USP46: variants seen among roughly 807,000 people sequenced by gnomAD.
USP46 encodes the protein ubiquitin carboxyl-terminal hydrolase 46.
USP46 carries 12 observed loss-of-function variants against 44.4 expected under a neutral mutation model. The observed-to-expected ratio is 0.27, with a 90% CI of 0.17 to 0.44. The LOEUF (loss-of-function observed/expected upper bound fraction) is 0.44. Ranked by LOEUF, USP46 falls within the 20% of genes least tolerant of loss-of-function variation. USP46 has a pLI of 1.00. For synonymous variants in USP46, 155 were observed against 161.5 expected (o/e 0.96, Z 0.31); for missense variants, 248 against 444.8 (o/e 0.56, Z 3.98).
rs1488159056 is a variant in USP46, at chr4:52,652,654, G to T, written c.36+6461C>A. Among the ~76,000 whole-genome samples, 3 of 152,070 alleles carry T rather than the reference G, an allele frequency of 2.0e-5. No homozygotes were observed. The East Asian group carries it at 5.8e-4, about 29-fold the overall frequency. ...TGAGAGGAATGTTTAATATTATAAA[G>T]CATGTTTAAAACATGAAAAAATACA... On this transcript the variant is annotated intron_variant, in intron 1 of 8. Coordinates refer to ENST00000441222, the MANE Select transcript of USP46 (RefSeq NM_022832.4).
chr4:52,618,129 A>C lies in USP46; in HGVS notation c.562-7512T>G, dbSNP rs75605419. ...GGCACAGTAGTGGCTCACGCCTATA[A>C]TCCCAGTGCTTTGGATGGCTAAGGT... On this transcript the variant is annotated intron_variant, in intron 4 of 8. Coordinates refer to ENST00000441222, the MANE Select transcript of USP46 (RefSeq NM_022832.4). Among the ~76,000 whole-genome samples, 1,387 of 152,276 alleles carry C rather than the reference A, an allele frequency of 9.1e-3. 16 individuals carry two copies. Among genetic ancestry groups the C allele is most frequent in the African/African-American group, 0.032 (1,318 of 41,568 alleles).
In USP46 at chr4:52,610,550, T is replaced by C; in HGVS notation, c.629A>G (p.His210Arg). ...CTCAGAGTTCATATACCTTAGACAG[T>C]GGGTAATGGATGTATTCTGCTCCAC... ...VDVEQNTSITHCLRDFSNTET... is the reference protein window; with the variant it reads ...VDVEQNTSITRCLRDFSNTET... Residue 210 changes from histidine (H) to arginine (R), a missense_variant, in exon 5 of 9, where the codon CAC becomes CGC. Transcript: ENST00000441222. 1.2e-6 allele frequency: 2 copies of C among 1,613,906 alleles called. No individual in the cohort carries two copies. The highest frequency in any genetic ancestry group is 1.3e-5 in the African/African-American group (1 of 75,052).
At chr4:52,639,368 G>C (rs184124070) in intron 1 of USP46, among the ~76,000 whole-genome samples, 1 of 152,322 alleles carries the variant, frequency 6.6e-6, no homozygotes, top group Non-Finnish European at 1.5e-5. Flanking sequence ...GCGTGGGCCT[G>C]ATACAGCTGC....
At chr4:52,656,352 C>T (rs1264082742) in intron 1 of USP46, 21 of 1,524,772 alleles carry the variant, frequency 1.4e-5, no homozygotes, top group Non-Finnish European at 1.7e-5. Context: ...TTAATATTTA[C>T]GTCTGATCCA....
intron 4 of USP46, among the ~76,000 whole-genome samples, chr4:52,625,335 A>G (rs1477875394): frequency 6.6e-6 from 1 of 152,050 alleles, no homozygotes; most frequent in Non-Finnish European, 1.5e-5. Context: ...AACAAGCAGA[A>G]AAGCCAGCAT....
chr4:52,592,804 A>AT lies in USP46; in HGVS notation c.*4835_*4836insA. ...CAGTGAGCTGAGATCTCATCACTGC[A>AT]CTCCAGCCTGGGTGACAGTGAGACT... On this transcript the variant is annotated 3_prime_UTR_variant, in exon 9 of 9. Coordinates refer to ENST00000441222, the MANE Select transcript of USP46 (RefSeq NM_022832.4). 2.5e-6 allele frequency: 1 copy of AT among 397,838 alleles called. No homozygotes were observed. The highest frequency in any genetic ancestry group is 4.4e-6 in the Non-Finnish European group (1 of 226,006). 24.6% of individuals were successfully genotyped at this position (397,838 alleles called of 1,614,324 possible). A position where few individuals can be genotyped will look rare whatever the true frequency, so the allele number is the denominator to read the frequency against.
Position 52,659,196 on chromosome 4 carries a change from GA to G in USP46, c.-47del. 1 of 1,510,764 alleles carries G rather than the reference GA, an allele frequency of 6.6e-7. No individual in the cohort carries two copies. Among genetic ancestry groups the G allele is most frequent in the East Asian group, 2.8e-5 (1 of 36,126 alleles). 93.6% of individuals were successfully genotyped at this position (1,510,764 alleles called of 1,614,324 possible). On this transcript the variant is annotated 5_prime_UTR_variant, in exon 1 of 9. The change abolishes the stop of an existing upstream ORF in the 5' untranslated region. Transcript: ENST00000441222. This position sits in a 1 kb window ranked among gnomAD's most constrained non-coding sequence, Gnocchi z 4.2. ...TCCCTCACCGCCATCTTTACAAGGG[GA>G]AACCGGGACTGCCCATGGTGGCGCG...
At chr4:52,608,364 C>T (rs988424078) in intron 5 of USP46, among the ~76,000 whole-genome samples, 2 of 152,148 alleles carry the variant, frequency 1.3e-5, no homozygotes, top group African/African-American at 2.4e-5. Context: ...CAATGCTTCC[C>T]GATAATTTCC....
intron 3 of USP46, among the ~76,000 whole-genome samples, chr4:52,626,608 C>A (rs1348096888): frequency 2.0e-5 from 3 of 152,116 alleles, no homozygotes; most frequent in African/African-American, 7.2e-5. Context: ...CAGACGTGAG[C>A]CACCGCGCCT....
At chr4:52,631,265 G>A (rs1445806132) in intron 1 of USP46, 121 bp from the exon 2 acceptor site, 1 of 685,366 alleles carries the variant, frequency 1.5e-6, no homozygotes, top group Non-Finnish European at 2.4e-6. Context: ...ATTTGTTGAT[G>A]TTTGCACTGA....
intron 4 of USP46, among the ~76,000 whole-genome samples, chr4:52,613,528 C>A (rs1317979325): frequency 1.3e-5 from 2 of 151,986 alleles, no homozygotes; most frequent in African/African-American, 4.8e-5. Context: ...TGGAGGCCAG[C>A]CTGGCCAAGA....
chr4:52,605,955 T>A lies in USP46; in HGVS notation c.639-1371A>T, dbSNP rs1353452744. Among the ~76,000 whole-genome samples the A allele has an allele frequency of 3.3e-5, 5 of 152,190 alleles. No homozygotes were observed. The East Asian group carries it at 9.6e-4, about 29-fold the overall frequency. ...TTCAGCACTCAGCCTAAACATCCCCTCTTTGGAGAAAACTTCTCTGGCCAC... is the reference window on the plus strand; with the variant it reads ...TTCAGCACTCAGCCTAAACATCCCCACTTTGGAGAAAACTTCTCTGGCCAC... On this transcript the variant is annotated intron_variant, in intron 5 of 8. Transcript: ENST00000441222.
At chr4:52,658,330 C>T (rs769963251) in intron 1 of USP46, 2 of 455,490 alleles carry the variant, frequency 4.4e-6, no homozygotes, top group East Asian at 1.4e-4. Flanking sequence ...AAAGTGACCA[C>T]CGCATCATGG....
intron 2 of USP46, chr4:52,629,545 A>G (rs764316166): frequency 2.6e-5 from 12 of 454,244 alleles, no homozygotes; most frequent in Non-Finnish European, 4.0e-5. Context: ...TTTTAAAATC[A>G]TAAGTCAGTA....
intron 1 of USP46, among the ~76,000 whole-genome samples, chr4:52,639,500 G>T: frequency 6.6e-6 from 1 of 151,934 alleles, no homozygotes; most frequent in South Asian, 2.1e-4. Context: ...CTTCTGCCAG[G>T]GGGAAGCAGA....
chr4:52,614,249 A>G (rs1577668711), intron 4 of USP46, among the ~76,000 whole-genome samples: 1 of 152,240 alleles, frequency 6.6e-6, no homozygotes, highest in Admixed American at 6.5e-5. Flanking sequence ...ATAGGGCAGT[A>G]GAACTATTTG....
rs927298575 is a variant in USP46 at position 52,615,019 on chromosome 4, G to A, written c.562-4402C>T. ...TCACTAAAAATACACCCAGGCATGC[G>A]AAAATGTACTCAGAAAAGATCAAGA... On this transcript the variant is annotated intron_variant, in intron 4 of 8. Coordinates refer to ENST00000441222, the MANE Select transcript of USP46 (RefSeq NM_022832.4). Among the ~76,000 whole-genome samples the A allele has an allele frequency of 5.9e-5, 9 of 151,624 alleles. No individual in the cohort carries two copies. In the East Asian group the frequency reaches 1.7e-3, roughly 29 times the overall value.
intron 4 of USP46, among the ~76,000 whole-genome samples, chr4:52,621,207 A>G (rs1178044635): frequency 6.6e-6 from 1 of 152,212 alleles, no homozygotes; most frequent in Admixed American, 6.5e-5. Context: ...AGACAAGTAC[A>G]GTAGAGAGAG....
intron 1 of USP46, among the ~76,000 whole-genome samples, chr4:52,653,842 A>G (rs1718857377): frequency 6.6e-6 from 1 of 152,130 alleles, no homozygotes; most frequent in South Asian, 2.1e-4. Context: ...AGGAGGGGGA[A>G]AAAAAAGACA....
Sources: allele counts gnomAD v4.1 joint callset (sites outside exome capture counted in the v4.1 genomes callset), GRCh38; gene constraint gnomAD v4.1.1; non-coding constraint Gnocchi (gnomAD v3.1); transcripts MANE v1.5; gene names NCBI Gene and HGNC (gene_info 2026-07-23, HGNC 2026-07-21).